HMGN1: variants seen among roughly 807,000 people sequenced by gnomAD.
The protein encoded by HMGN1 is non-histone chromosomal protein HMG-14.
Under a neutral mutation model 18.4 loss-of-function variants are expected in HMGN1, and 9 were observed. The ratio of observed to expected loss-of-function variants is 0.49; its 90% CI spans 0.29 to 0.85. The LOEUF is 0.85. HMGN1 is among the 40% of genes least tolerant of loss of function. HMGN1 has a pLI of 0.07. For missense variants in HMGN1, 151 were observed against 119.2 expected (o/e 1.27, Z -1.24); for synonymous variants, 59 against 45.0 (o/e 1.31, Z -1.24).
Position 39,349,075 on chromosome 21 carries a change from T to A in HMGN1, c.-158A>T. 2.4e-6 allele frequency: 2 copies of A among 839,510 alleles called. No individual in the cohort carries two copies. The highest frequency in any genetic ancestry group is 1.2e-4 in the South Asian group (2 of 17,076). 52.0% of individuals were successfully genotyped at this position (839,510 alleles called of 1,614,324 possible). Reference sequence around the variant, plus strand: ...CTGCTGAGACCCACAGCGGGGGCGGTGGGAGAACCGGATGGAACCGGATTG... The same window carrying A: ...CTGCTGAGACCCACAGCGGGGGCGGAGGGAGAACCGGATGGAACCGGATTG... On this transcript the variant is annotated 5_prime_UTR_variant, in exon 1 of 6. Transcript: ENST00000380749.
rs3138678 is a variant in HMGN1 at position 39,347,057 on chromosome 21, AACACACAC to A, written c.126+1227_126+1234del. 62 of 149,176 alleles carry A rather than the reference AACACACAC, an allele frequency of 4.2e-4. No homozygotes were observed. The South Asian group carries it at 8.1e-3, about 19-fold the overall frequency. 9.2% of individuals were successfully genotyped at this position (149,176 alleles called of 1,614,324 possible). ...CAGATATTTCAGCCAATTAGTTTAA[AACACACAC>A]ACACACACACACACAATAAAAAAAG... is the stretch of plus-strand genomic sequence containing the variant. On this transcript the variant is annotated intron_variant, in intron 4 of 5. Transcript: ENST00000380749.
chr21:39,348,783 C>T, intron 1 of HMGN1, 120 bp downstream of exon 1: 1 of 1,069,138 alleles, frequency 9.4e-7, no homozygotes, highest in African/African-American at 1.7e-5. Context: ...GCCCGCCGGT[C>T]TCCAAGCGCC....
intron 4 of HMGN1, chr21:39,347,211 T>C (rs985653733): frequency 6.0e-5 from 26 of 431,254 alleles, no homozygotes; most frequent in Non-Finnish European, 8.2e-5. Flanking sequence ...CTTCTGGTAA[T>C]GAGAAATTTA....
intron 5 of HMGN1, chr21:39,344,528 A>G (rs904756984): frequency 6.6e-6 from 1 of 152,172 alleles, no homozygotes; most frequent in African/African-American, 2.4e-5. Context: ...TTTAAGAAAC[A>G]GCTTCCAGGC....
In HMGN1 at chr21:39,348,356, G is replaced by A; in HGVS notation, c.79-17C>T. 6.2e-7 allele frequency: 1 copy of A among 1,614,214 alleles called. No individual in the cohort carries two copies. Among genetic ancestry groups the A allele is most frequent in the East Asian group, 2.2e-5 (1 of 44,876 alleles). On this transcript the variant is annotated splice_polypyrimidine_tract_variant and intron_variant, in intron 3 of 5. Coordinates refer to ENST00000380749, the MANE Select transcript of HMGN1 (RefSeq NM_004965.7). ...AGGAGGTTTCTGAAAGGCAAAAGCAGCACTGAGCGTCCTCACCCGGGACGA... is the reference window on the plus strand; with the variant it reads ...AGGAGGTTTCTGAAAGGCAAAAGCAACACTGAGCGTCCTCACCCGGGACGA...
intron 1 of HMGN1, 29 bp downstream of exon 1, chr21:39,348,874 G>C: frequency 3.6e-6 from 4 of 1,119,230 alleles, no homozygotes; most frequent in Non-Finnish European, 4.4e-6. Context: ...GGCTCCAGGG[G>C]GCGTGTGCGG....
At chr21:39,345,326 A>G in intron 4 of HMGN1, 52 bp from the exon 5 acceptor site, 1 of 1,562,610 alleles carries the variant, frequency 6.4e-7, no homozygotes, top group Non-Finnish European at 8.8e-7. Flanking sequence ...CCTTATTTAC[A>G]TTTTGTTTTA....
At chr21:39,348,814 T>G in intron 1 of HMGN1, 89 bp downstream of exon 1, 23 of 1,042,048 alleles carry the variant, frequency 2.2e-5, no homozygotes, top group African/African-American at 3.4e-5. Flanking sequence ...GTCGCCACCG[T>G]GGGTGCAACG....
intron 5 of HMGN1, 83 bp from the exon 6 acceptor site, chr21:39,343,242 GTCAATAA>G: frequency 1.5e-6 from 2 of 1,331,922 alleles, no homozygotes; most frequent in Non-Finnish European, 2.1e-6. Context: ...CTTTAAAAAA[GTCAATAA>G]CCTTTGTTAT....
At position 39,345,217 on chromosome 21, in the gene HMGN1, G is replaced by C. The variant is rs1376841651; in HGVS notation, c.184C>G (p.Gln62Glu). The part of the protein sequence containing the change: ...TKGKRGAKGK[Q>E]AEVANQETKE... ...GTTTCTTGGTTAGCCACTTCGGCCTGTTTTCCCTTTGCTCCCCTTTTCCCT... is the reference window on the plus strand; with the variant it reads ...GTTTCTTGGTTAGCCACTTCGGCCTCTTTTCCCTTTGCTCCCCTTTTCCCT... The change falls in exon 5 of 6, where the codon CAG becomes GAG. Residue 62 changes from glutamine (Q) to glutamate (E), a missense_variant. Coordinates refer to ENST00000380749, the MANE Select transcript of HMGN1 (RefSeq NM_004965.7). 6.2e-7 allele frequency: 1 copy of C among 1,613,602 alleles called. No homozygotes were observed. The highest frequency in any genetic ancestry group is 8.5e-7 in the Non-Finnish European group (1 of 1,179,956).
At chr21:39,348,698 T>G in intron 1 of HMGN1, 121 bp from the exon 2 acceptor site, 4 of 1,253,798 alleles carry the variant, frequency 3.2e-6, no homozygotes, top group South Asian at 1.5e-5. Flanking sequence ...CCCGTTCGAA[T>G]AGCCCCCTCA....
chr21:39,345,109 TCACACACA>T (rs3067492), intron 5 of HMGN1, 29 bp downstream of exon 5: 71 of 1,409,170 alleles, frequency 5.0e-5, no homozygotes, highest in Middle Eastern at 2.5e-4. Flanking sequence ...GTCAAAGCAA[TCACACACA>T]CACACACACA....
At chr21:39,348,630 G>T in intron 1 of HMGN1, 53 bp from the exon 2 acceptor site, 5 of 1,509,372 alleles carry the variant, frequency 3.3e-6, no homozygotes, top group Non-Finnish European at 4.4e-6. Context: ...CAGGACTCGC[G>T]GGCCCGCCCG....
At chr21:39,347,644 T>C (rs2037103334) in intron 4 of HMGN1, 1 of 334,258 alleles carries the variant, frequency 3.0e-6, no homozygotes, top group African/African-American at 2.2e-5. Flanking sequence ...ATACTTGTTT[T>C]ACACATGTTC....
At position 39,347,302 on chromosome 21, in the gene HMGN1, A is replaced by G. The variant is rs186435676; in HGVS notation, c.126+990T>C. 2.7e-5 allele frequency: 26 copies of G among 970,562 alleles called. No homozygotes were observed. The East Asian group carries it at 1.6e-3, about 60-fold the overall frequency. 60.1% of individuals were successfully genotyped at this position (970,562 alleles called of 1,614,324 possible). On this transcript the variant is annotated intron_variant, in intron 4 of 5. Coordinates refer to ENST00000380749, the MANE Select transcript of HMGN1 (RefSeq NM_004965.7). ...ACAAAAACAGAACTTTCTGTTAAAG[A>G]AAACATAGTTAACATTTTTACACTC...
At chr21:39,343,990 C>T (rs1308740786) in intron 5 of HMGN1, among the ~76,000 whole-genome samples, 1 of 152,112 alleles carries the variant, frequency 6.6e-6, no homozygotes, top group Non-Finnish European at 1.5e-5. Context: ...AGCGGTGGCT[C>T]ACACCTGTAA....
chr21:39,347,804 T>C (rs1328774547), intron 4 of HMGN1: 14 of 325,298 alleles, frequency 4.3e-5, no homozygotes. Flanking sequence ...ACTTCCAGAG[T>C]AGTGGCGGTT....
intron 4 of HMGN1, chr21:39,346,667 A>C (rs1041256663): frequency 1.3e-4 from 20 of 152,492 alleles, no homozygotes; most frequent in African/African-American, 4.6e-4. Flanking sequence ...CAGTGACAAG[A>C]TATGCCTTGA....
At chr21:39,347,254 G>A (rs2037088975) in intron 4 of HMGN1, 1 of 767,856 alleles carries the variant, frequency 1.3e-6, no homozygotes, top group Non-Finnish European at 1.7e-6. Context: ...TACCTTCCGT[G>A]AAGCTTTATT....
Sources: allele counts gnomAD v4.1 joint callset (sites outside exome capture counted in the v4.1 genomes callset), GRCh38; gene constraint gnomAD v4.1.1; transcripts MANE v1.5; gene names NCBI Gene and HGNC (gene_info 2026-07-23, HGNC 2026-07-21).